USH2A: variants seen among roughly 807,000 people sequenced by gnomAD.
USH2A encodes the protein usherin, also known as Usher syndrome 2A (autosomal recessive, mild).
In USH2A, 443 loss-of-function variants were observed where a neutral mutation model predicts 538.9. The ratio of observed to expected loss-of-function variants is 0.82; its 90% CI spans 0.76 to 0.89. The LOEUF (loss-of-function observed/expected upper bound fraction) is 0.89, where lower values mean the gene tolerates loss of function less well. Ranked by LOEUF, USH2A falls within the 40% of genes least tolerant of loss-of-function variation. USH2A has a pLI of 0.00. For missense variants in USH2A, 6,633 were observed against 6,324.8 expected (o/e 1.05, Z -1.65); for synonymous variants, 2,413 against 2,273.5 (o/e 1.06, Z -1.75).
intron 41 of USH2A, among the ~76,000 whole-genome samples, chr1:215,884,899 T>A (rs1386164849): frequency 2.6e-5 from 4 of 152,190 alleles, no homozygotes; most frequent in African/African-American, 9.6e-5. Context: ...GTGAGGACCC[T>A]ACTGTATAAG....
At chr1:216,270,909 G>T (rs1169620307) in intron 11 of USH2A, among the ~76,000 whole-genome samples, 1 of 151,862 alleles carries the variant, frequency 6.6e-6, no homozygotes, top group African/African-American at 2.4e-5. Context: ...ATAATCCTAC[G>T]GTAAGGTGGT....
intron 58 of USH2A, among the ~76,000 whole-genome samples, chr1:215,746,416 A>G (rs1174927240): frequency 6.7e-6 from 1 of 149,838 alleles, no homozygotes; most frequent in Non-Finnish European, 1.5e-5. Context: ...TTACTATCAT[A>G]TAGATGCATA....
intron 61 of USH2A, among the ~76,000 whole-genome samples, chr1:215,683,222 CA>C (rs1167177365): frequency 5.4e-4 from 1 of 1,850 alleles, no homozygotes; most frequent in African/African-American, 5.8e-4. Flanking sequence ...TTTATACACA[CA>C]CACACACACA....
chr1:215,656,027 C>T (rs1368049529), intron 64 of USH2A, among the ~76,000 whole-genome samples: 1 of 152,158 alleles, frequency 6.6e-6, no homozygotes, highest in Non-Finnish European at 1.5e-5. Context: ...AGCCACCGCG[C>T]CCGGCCTGTG....
chr1:216,056,031 C>A (rs2102533360), intron 30 of USH2A, among the ~76,000 whole-genome samples: 1 of 152,230 alleles, frequency 6.6e-6, no homozygotes, highest in South Asian at 2.1e-4. Context: ...GGTCTAATCC[C>A]AGTCTTAGAG....
chr1:215,744,386 T>A (rs1027878870), intron 58 of USH2A, among the ~76,000 whole-genome samples: 7 of 152,210 alleles, frequency 4.6e-5, no homozygotes, highest in African/African-American at 1.4e-4. Flanking sequence ...CTTGTTAAGT[T>A]TTATTTGGTC....
rs56136489 is a variant in USH2A at position 215,647,560 on chromosome 1, G to A, written c.14753C>T (p.Thr4918Met). The A allele has an allele frequency of 1.4e-3, 2,326 of 1,614,100 alleles. 3 individuals are homozygous for A. Among genetic ancestry groups the A allele is most frequent in the Non-Finnish European group, 1.7e-3 (2,018 of 1,180,016 alleles). The change falls in exon 67 of 72, where the codon ACG (threonine) becomes ATG (methionine). Residue 4918 changes from threonine (T) to methionine (M), a missense_variant. Physicochemically the swap from Thr to Met is moderately conservative, Grantham distance 81. Transcript: ENST00000307340. ...RVVAHNEVGS[T>M]ASEWISFTTQ... ...GGTGAAACTGATCCACTCGGAAGCC[G>A]TACTGCCCACCTCGTTGTGTGCCAC...
rs181740175 is a variant in USH2A at position 216,373,494 on chromosome 1, C to T, written c.652-8409G>A. ...TTACTTTAAAAAATAACTATCTCAA[C>T]GTTACAGGAAAGTCACAAGAGTAGT... On this transcript the variant is annotated intron_variant, in intron 3 of 71. Transcript: ENST00000307340. 2.2e-3 allele frequency among the ~76,000 whole-genome samples: 342 copies of T among 152,200 alleles called. 2 individuals carry two copies. Among genetic ancestry groups the T allele is most frequent in the Non-Finnish European group, 3.2e-3 (218 of 68,018 alleles).
intron 37 of USH2A, among the ~76,000 whole-genome samples, chr1:215,942,760 A>C (rs1468833215): frequency 6.6e-6 from 1 of 152,178 alleles, no homozygotes; most frequent in African/African-American, 2.4e-5. Flanking sequence ...CTTTGTTCCC[A>C]GAGGAAGGAG....
chr1:215,675,005 C>G lies in USH2A; in HGVS notation c.12906G>C (p.Arg4302Ser). 6.2e-7 allele frequency: 1 copy of G among 1,614,168 alleles called. No homozygotes were observed. Among genetic ancestry groups the G allele is most frequent in the Non-Finnish European group, 8.5e-7 (1 of 1,180,040 alleles). The change falls in exon 63 of 72, where the codon AGG becomes AGC. Residue 4302 changes from arginine to serine, a missense_variant. Coordinates refer to ENST00000307340, the MANE Select transcript of USH2A (RefSeq NM_206933.4). ...NGIIQSYRLQRNEMLYPFSFD... is the reference protein window; with the variant it reads ...NGIIQSYRLQSNEMLYPFSFD... ...AGCTAAAAGGATAGAGCATTTCATTCCTTTGAAGCCTATAGGACTGGATAA... is the reference window on the plus strand; with the variant it reads ...AGCTAAAAGGATAGAGCATTTCATTGCTTTGAAGCCTATAGGACTGGATAA...
intron 55 of USH2A, among the ~76,000 whole-genome samples, chr1:215,773,488 C>T (rs558136667): frequency 5.0e-5 from 5 of 99,280 alleles, no homozygotes; most frequent in Non-Finnish European, 8.3e-5. Flanking sequence ...CTCTCTGTCT[C>T]TCTGTCTCTC....
intron 9 of USH2A, among the ~76,000 whole-genome samples, chr1:216,295,358 G>A (rs114520385): frequency 6.6e-6 from 1 of 151,326 alleles, no homozygotes. Context: ...AGTAAATAAA[G>A]CCAAGTAAAA....
chr1:216,206,621 G>A (rs895535169), intron 16 of USH2A, among the ~76,000 whole-genome samples: 1 of 152,030 alleles, frequency 6.6e-6, no homozygotes, highest in Non-Finnish European at 1.5e-5. Flanking sequence ...CTGGGGATTG[G>A]GGACCCCTGC....
At chr1:215,784,971 T>G (rs182773826) in intron 52 of USH2A, among the ~76,000 whole-genome samples, 1 of 152,284 alleles carries the variant, frequency 6.6e-6, no homozygotes, top group Admixed American at 6.5e-5. Flanking sequence ...AATTTAAAAA[T>G]GAAAGTCCAT....
At chr1:215,934,493 A>G in intron 38 of USH2A, 123 bp downstream of exon 38, 1 of 987,012 alleles carries the variant, frequency 1.0e-6, no homozygotes, top group South Asian at 1.6e-5. Flanking sequence ...AAAGAACCAG[A>G]AATACAATTG....
In USH2A at chr1:216,198,554, C is replaced by A; in HGVS notation, c.3842G>T (p.Arg1281Ile). The change falls in exon 18 of 72, where the codon AGA (arginine) becomes ATA (isoleucine). Residue 1281 changes from arginine (R) to isoleucine (I), a missense_variant. By Grantham distance (97) the Arg-to-Ile change is moderately conservative. Transcript: ENST00000307340. ...GGTTTCTTTAGTAGATCTCAGTCTT[C>A]TCATGTATAGTTCATATCTTATAAT... Reference protein sequence around the residue: ...GIIIRYELYMRRLRSTKETTS... With the variant: ...GIIIRYELYMIRLRSTKETTS... 1 of 1,613,504 alleles carries A rather than the reference C, an allele frequency of 6.2e-7. No homozygotes were observed. The highest frequency in any genetic ancestry group is 8.5e-7 in the Non-Finnish European group (1 of 1,179,840).
chr1:216,063,053 T>C (rs532521688), intron 30 of USH2A, among the ~76,000 whole-genome samples: 1 of 152,282 alleles, frequency 6.6e-6, no homozygotes, highest in Non-Finnish European at 1.5e-5. Flanking sequence ...CAAAATTAAC[T>C]TAAATATTAA....
intron 15 of USH2A, among the ~76,000 whole-genome samples, chr1:216,215,098 T>C (rs1373367813): frequency 6.6e-6 from 1 of 152,060 alleles, no homozygotes; most frequent in Admixed American, 6.6e-5. Flanking sequence ...TTATTTTCAT[T>C]CAATCCTCTT....
chr1:216,260,677 G>T (rs983069698), intron 11 of USH2A, among the ~76,000 whole-genome samples: 1 of 152,106 alleles, frequency 6.6e-6, no homozygotes, highest in African/African-American at 2.4e-5. Context: ...ACCCCACTCA[G>T]CCAGCCAAAC....
Sources: allele counts gnomAD v4.1 joint callset (sites outside exome capture counted in the v4.1 genomes callset), GRCh38; gene constraint gnomAD v4.1.1; transcripts MANE v1.5; gene names NCBI Gene and HGNC (gene_info 2026-07-23, HGNC 2026-07-21).